The following DGKG variants were observed in gnomAD, a reference collection of about 807,000 sequenced individuals.
DGKG encodes the protein diacylglycerol kinase gamma.
Under a neutral mutation model 105.3 loss-of-function variants are expected in DGKG, and 78 were observed. The ratio of observed to expected loss-of-function variants is 0.74; its 90% confidence interval spans 0.62 to 0.89. DGKG has a LOEUF of 0.89. Among genes scored for constraint, DGKG ranks in the 40% least tolerant of loss-of-function variants. DGKG has a pLI of 0.00. For missense variants in DGKG, 958 were observed against 1,020.1 expected (o/e 0.94, Z 0.83); for synonymous variants, 346 against 367.1 (o/e 0.94, Z 0.66).
At chr3:186,248,948 C>T (rs1238164386) in intron 19 of DGKG, among the ~76,000 whole-genome samples, 17 of 152,170 alleles carry the variant, frequency 1.1e-4, no homozygotes, top group Non-Finnish European at 1.5e-4. Flanking sequence ...AAGTTATGTT[C>T]TGGTTACTAT....
intron 1 of DGKG, among the ~76,000 whole-genome samples, chr3:186,349,930 G>A (rs934496397): frequency 2.0e-5 from 3 of 151,682 alleles, no homozygotes; most frequent in African/African-American, 4.9e-5. Flanking sequence ...TCTTGCCCAG[G>A]CTAGAGTGCA....
chr3:186,161,222 T>TAAAA, intron 24 of DGKG: 2 of 999,834 alleles, frequency 2.0e-6, no homozygotes, highest in Non-Finnish European at 1.2e-6. Context: ...AGGAAGCAAT[T>TAAAA]TGACTTGTTC....
chr3:186,298,004 G>T, intron 4 of DGKG, 60 bp downstream of exon 4: 1 of 1,540,518 alleles, frequency 6.5e-7, no homozygotes, highest in South Asian at 1.3e-5. Context: ...GCAGTCTGTG[G>T]CTGTGGCAGG....
At chr3:186,175,629 G>A (rs1206316226) in intron 22 of DGKG, among the ~76,000 whole-genome samples, 2 of 152,142 alleles carry the variant, frequency 1.3e-5, no homozygotes, top group African/African-American at 2.4e-5. Flanking sequence ...TTTAAGGCCT[G>A]GGAGCCAGCA....
chr3:186,149,784 A>T lies in DGKG; in HGVS notation c.*306T>A, dbSNP rs796563162. On this transcript the variant is annotated 3_prime_UTR_variant, in exon 25 of 25. Transcript: ENST00000265022. ...AGGGGGATTTCCCTTCAGTCTCAGA[A>T]AATTCTGCTCAAGGCCTGTGGGAAT... is the stretch of plus-strand genomic sequence containing the variant. 11 of 1,092,476 alleles carry T rather than the reference A, an allele frequency of 1.0e-5. No homozygotes were observed. The African/African-American group carries it at 1.8e-4, about 18-fold the overall frequency. The allele number at this position is 1,092,476 out of a possible 1,614,324, so 67.7% of individuals were successfully genotyped here. A position where few individuals can be genotyped will look rare whatever the true frequency, so the allele number is the denominator to read the frequency against.
At chr3:186,280,257 A>G (rs1247165202) in intron 8 of DGKG, among the ~76,000 whole-genome samples, 1 of 152,230 alleles carries the variant, frequency 6.6e-6, no homozygotes, top group Non-Finnish European at 1.5e-5. Flanking sequence ...AGCAGGGATT[A>G]GAGAAAATGA....
chr3:186,265,922 A>G (rs1258155194), intron 13 of DGKG, among the ~76,000 whole-genome samples: 1 of 152,070 alleles, frequency 6.6e-6, no homozygotes, highest in Non-Finnish European at 1.5e-5. Flanking sequence ...CGCTGGCCTC[A>G]GCCTCCCAAA....
At chr3:186,316,819 T>C (rs991301654) in intron 2 of DGKG, among the ~76,000 whole-genome samples, 3 of 152,242 alleles carry the variant, frequency 2.0e-5, no homozygotes, top group African/African-American at 7.2e-5. Flanking sequence ...TATTTTGTTA[T>C]TGTAAAGCTC....
intron 22 of DGKG, among the ~76,000 whole-genome samples, chr3:186,167,433 A>C (rs1716600187): frequency 6.6e-6 from 1 of 152,214 alleles, no homozygotes; most frequent in South Asian, 2.1e-4. Flanking sequence ...GCCTATAAAC[A>C]ACCCACCGCT....
At position 186,226,190 on chromosome 3, in the gene DGKG, A is replaced by C. The variant is rs1329587610; in HGVS notation, c.1827-14305T>G. ...CTTTGTACAAACCATGATTATTGTG[A>C]ATTTTAAGATTATACCACCAAGGCT... On this transcript the variant is annotated intron_variant, in intron 20 of 24. Transcript: ENST00000265022. The surrounding 1 kb of genome is among the most constrained non-coding windows in gnomAD (Gnocchi z 4.2). Among the ~76,000 whole-genome samples, 1 of 152,220 alleles carries C rather than the reference A, an allele frequency of 6.6e-6. No individual in the cohort carries two copies. The highest frequency in any genetic ancestry group is 1.5e-5 in the Non-Finnish European group (1 of 68,038).
At chr3:186,152,853 G>A (rs1056421743) in intron 24 of DGKG, among the ~76,000 whole-genome samples, 3 of 151,842 alleles carry the variant, frequency 2.0e-5, no homozygotes, top group South Asian at 4.2e-4. Context: ...TAGTAGAGAC[G>A]GGGTTTCACC....
chr3:186,172,468 C>T (rs963562625), intron 22 of DGKG, among the ~76,000 whole-genome samples: 4 of 152,210 alleles, frequency 2.6e-5, no homozygotes, highest in African/African-American at 9.6e-5. Flanking sequence ...AGGAAGCCTG[C>T]CCCATACCTT....
chr3:186,312,900 A>G (rs1017974160), intron 2 of DGKG, among the ~76,000 whole-genome samples: 6 of 152,262 alleles, frequency 3.9e-5, no homozygotes, highest in African/African-American at 1.4e-4. Context: ...GCACGGATGT[A>G]CTTGCTACAC....
At chr3:186,337,654 A>G (rs896646786) in intron 1 of DGKG, among the ~76,000 whole-genome samples, 11 of 152,196 alleles carry the variant, frequency 7.2e-5, no homozygotes, top group Non-Finnish European at 1.6e-4. Context: ...AATTAGAGGT[A>G]TATAAATTGG....
chr3:186,240,989 T>A (rs917519842), intron 20 of DGKG, among the ~76,000 whole-genome samples: 4 of 152,122 alleles, frequency 2.6e-5, no homozygotes, highest in African/African-American at 9.7e-5. Context: ...AGTACACGTG[T>A]TCCTAGTGTG....
chr3:186,198,619 A>G (rs1176288142), intron 21 of DGKG, among the ~76,000 whole-genome samples: 1 of 152,248 alleles, frequency 6.6e-6, no homozygotes, highest in African/African-American at 2.4e-5. Flanking sequence ...GGTGGTGTCA[A>G]TATTCCTACT....
intron 22 of DGKG, among the ~76,000 whole-genome samples, chr3:186,181,215 T>C (rs904830460): frequency 6.6e-6 from 1 of 152,158 alleles, no homozygotes; most frequent in Non-Finnish European, 1.5e-5. Flanking sequence ...AAAGACTATG[T>C]TTGTTTTTGG....
chr3:186,171,782 C>A (rs1224787907), intron 22 of DGKG, among the ~76,000 whole-genome samples: 1 of 152,096 alleles, frequency 6.6e-6, no homozygotes, highest in East Asian at 1.9e-4. Context: ...ATATGACAGT[C>A]AATTTCTACC....
chr3:186,254,334 G>A (rs1467724493), intron 17 of DGKG, among the ~76,000 whole-genome samples: 2 of 152,158 alleles, frequency 1.3e-5, no homozygotes, highest in Non-Finnish European at 1.5e-5. Flanking sequence ...ATGGCTGAGC[G>A]CAGGCAAGAC....
Sources: allele counts gnomAD v4.1 joint callset (sites outside exome capture counted in the v4.1 genomes callset), GRCh38; gene constraint gnomAD v4.1.1; non-coding constraint Gnocchi (gnomAD v3.1); transcripts MANE v1.5; gene names NCBI Gene and HGNC (gene_info 2026-07-23, HGNC 2026-07-21).